NFILZ: variants seen among roughly 807,000 people sequenced by gnomAD.
NFILZ encodes the protein NFIL3 like basic leucine zipper.
At chr19:8,652,822 T>TTCTCTCTC (rs1229390014) in intron 3 of NFILZ, among the ~76,000 whole-genome samples, 1 of 151,040 alleles carries the variant, frequency 6.6e-6, no homozygotes, top group Non-Finnish European at 1.5e-5. Flanking sequence ...TCTCTCTCTC[T>TTCTCTCTC]TCTTTCTCAC....
chr19:8,634,721 A>T (rs2042886672), intron 2 of NFILZ, among the ~76,000 whole-genome samples: 2 of 151,856 alleles, frequency 1.3e-5, no homozygotes, highest in Non-Finnish European at 2.9e-5. Flanking sequence ...ACAAAAAACA[A>T]AACAGAAAAT....
Position 8,677,636 on chromosome 19 carries a change from G to C in NFILZ, c.*1G>C, listed in dbSNP as rs1420131356. 1 of 152,296 alleles carries C rather than the reference G, an allele frequency of 6.6e-6. No homozygotes were observed. The highest frequency in any genetic ancestry group is 2.4e-5 in the African/African-American group (1 of 41,452). The allele number at this position is 152,296 out of a possible 1,614,324, so 9.4% of individuals were successfully genotyped here. A position where few individuals can be genotyped will look rare whatever the true frequency, so the allele number is the denominator to read the frequency against. On this transcript the variant is annotated 3_prime_UTR_variant, in exon 6 of 6. Transcript: ENST00000691075. ...GGAGGGTGGTCAGGCGCCCCTCTGAGGGCTTCCTCTGGGAAGGGCTAGGCT... is the reference window on the plus strand; with the variant it reads ...GGAGGGTGGTCAGGCGCCCCTCTGACGGCTTCCTCTGGGAAGGGCTAGGCT...
At chr19:8,662,973 C>T (rs73006469) in intron 3 of NFILZ, among the ~76,000 whole-genome samples, 2,001 of 146,050 alleles carry the variant, frequency 0.014, 18 homozygotes, top group Middle Eastern at 0.043. Context: ...TAAGAGACAG[C>T]GTCTCACTTT....
intron 3 of NFILZ, among the ~76,000 whole-genome samples, chr19:8,672,641 G>A: frequency 6.6e-6 from 1 of 151,904 alleles, no homozygotes; most frequent in South Asian, 2.1e-4. Flanking sequence ...AAAAATCCAT[G>A]CATTTATTAG....
intron 3 of NFILZ, among the ~76,000 whole-genome samples, chr19:8,655,419 G>A (rs2042987723): frequency 6.6e-6 from 1 of 152,200 alleles, no homozygotes; most frequent in South Asian, 2.1e-4. Context: ...ACTCTCCAGT[G>A]ATGTCCCTGA....
intron 3 of NFILZ, among the ~76,000 whole-genome samples, chr19:8,667,060 T>C (rs1317158978): frequency 1.3e-5 from 2 of 151,958 alleles, no homozygotes; most frequent in Admixed American, 6.6e-5. Flanking sequence ...GTTGGCCATC[T>C]CTCTCTACCC....
intron 3 of NFILZ, among the ~76,000 whole-genome samples, chr19:8,673,262 G>C (rs2043096310): frequency 6.6e-6 from 1 of 152,140 alleles, no homozygotes; most frequent in Non-Finnish European, 1.5e-5. Context: ...CTGTAAGTGG[G>C]GATGATATGC....
intron 5 of NFILZ, among the ~76,000 whole-genome samples, 70 bp downstream of exon 5, chr19:8,676,526 G>A (rs58970531): frequency 0.21 from 31,779 of 151,978 alleles, 3,523 homozygotes; most frequent in South Asian, 0.35. Flanking sequence ...TCTTCATGAT[G>A]ACGGTGGTCT....
At chr19:8,650,040 G>A (rs371153519) in intron 3 of NFILZ, among the ~76,000 whole-genome samples, 7 of 151,590 alleles carry the variant, frequency 4.6e-5, no homozygotes, top group South Asian at 4.2e-4. Flanking sequence ...GCGTGAACCC[G>A]GGAGGTGGAG....
chr19:8,631,546 C>G lies in NFILZ; in HGVS notation c.-411+802C>G, dbSNP rs150651067. On this transcript the variant is annotated intron_variant, in intron 1 of 5. Transcript: ENST00000691075. ...CTGGGACAAAGCCCAGGGATTAGCT[C>G]AGTAGACAAACATCTGAGTCTTGGC... Among the ~76,000 whole-genome samples the G allele has an allele frequency of 5.4e-4, 82 of 152,242 alleles. No individual in the cohort carries two copies. The East Asian group carries it at 9.8e-3, about 18-fold the overall frequency.
chr19:8,653,010 TCC>T lies in NFILZ; in HGVS notation c.-164+17265_-164+17266del, dbSNP rs1413015632. Among the ~76,000 whole-genome samples the T allele has an allele frequency of 3.5e-4, 12 of 34,226 alleles. 1 individual carries two copies. Among genetic ancestry groups the T allele is most frequent in the South Asian group, 9.3e-4 (1 of 1,074 alleles). 22.5% of individuals were successfully genotyped at this position (34,226 alleles called of 152,430 possible). On this transcript the variant is annotated intron_variant, in intron 3 of 5. Coordinates refer to ENST00000691075, the MANE Select transcript of NFILZ (RefSeq NM_001378600.1). ...TTCCTTCCTTCCTTCCTTCCTTCCT[TCC>T]TTTCTTTCTTTCTTTCTTTCTTTCT...
In NFILZ at chr19:8,656,445, C is replaced by CCT. The variant is rs1568421649; in HGVS notation, c.-163-18106_-163-18105insCT. 5.8e-3 allele frequency among the ~76,000 whole-genome samples: 109 copies of CCT among 18,850 alleles called. 21 individuals carry two copies. Among genetic ancestry groups the CCT allele is most frequent in the African/African-American group, 0.012 (106 of 8,512 alleles). 12.4% of individuals were successfully genotyped at this position (18,850 alleles called of 152,430 possible). A position where few individuals can be genotyped will look rare whatever the true frequency, so the allele number is the denominator to read the frequency against. On this transcript the variant is annotated intron_variant, in intron 3 of 5. Transcript: ENST00000691075. ...CTCTTTCCGCAGCCCACCTTCTCCT[C>CCT]GAAGCCCACCTTCTCTCTGAAGCCC...
rs2043137009 is a variant in NFILZ at position 8,679,791 on chromosome 19, T to C, written c.*2156T>C. On this transcript the variant is annotated 3_prime_UTR_variant, in exon 6 of 6. Transcript: ENST00000691075. ...CCTCCCTTATACATCTATAAATGTT[T>C]ACCTATAAATGAGCCCATTCCCTAG... is the stretch of plus-strand genomic sequence containing the variant. Among the ~76,000 whole-genome samples the C allele has an allele frequency of 6.6e-6, 1 of 152,178 alleles. No individual in the cohort carries two copies. The highest frequency in any genetic ancestry group is 6.6e-5 in the Admixed American group (1 of 15,266).
At chr19:8,672,700 G>A (rs558641977) in intron 3 of NFILZ, among the ~76,000 whole-genome samples, 2 of 148,122 alleles carry the variant, frequency 1.4e-5, no homozygotes, top group South Asian at 4.3e-4. Context: ...AAATATTCAG[G>A]CATTCATTCA....
At position 8,679,547 on chromosome 19, in the gene NFILZ, T is replaced by C. The variant is rs1333848929; in HGVS notation, c.*1912T>C. On this transcript the variant is annotated 3_prime_UTR_variant, in exon 6 of 6. Transcript: ENST00000691075. The stretch of plus-strand genomic sequence containing the variant: ...GTGTGCAGGGTGAGGACGTACAAAG[T>C]GCCTCTCTCTCACTAGTACAACAGG... 6.6e-6 allele frequency among the ~76,000 whole-genome samples: 1 copy of C among 152,056 alleles called. No individual in the cohort carries two copies. The highest frequency in any genetic ancestry group is 1.5e-5 in the Non-Finnish European group (1 of 68,026).
At position 8,663,752 on chromosome 19, in the gene NFILZ, G is replaced by GTGTGTGTA. The variant is rs2043047424; in HGVS notation, c.-163-10792_-163-10791insATGTGTGT. 7.8e-5 allele frequency among the ~76,000 whole-genome samples: 10 copies of GTGTGTGTA among 127,824 alleles called. No homozygotes were observed. The East Asian group carries it at 1.9e-3, about 25-fold the overall frequency. The allele number at this position is 127,824 out of a possible 152,430, so 83.9% of individuals were successfully genotyped here. On this transcript the variant is annotated intron_variant, in intron 3 of 5. Transcript: ENST00000691075. ...TGTGTGTGTGTGTGTGTGTGTGTGT[G>GTGTGTGTA]TGTGTGTGTGTGTGTGTGTATGTAT...
intron 2 of NFILZ, among the ~76,000 whole-genome samples, chr19:8,634,765 A>C (rs1555745915): frequency 6.6e-6 from 1 of 152,102 alleles, no homozygotes; most frequent in African/African-American, 2.4e-5. Context: ...TCGTAGTTCC[A>C]GCTAATTGGG....
intron 3 of NFILZ, among the ~76,000 whole-genome samples, chr19:8,665,932 C>T (rs1367454278): frequency 1.3e-5 from 2 of 152,192 alleles, no homozygotes; most frequent in African/African-American, 4.8e-5. Flanking sequence ...TCATTTTTAG[C>T]TCCTCTCTTA....
At chr19:8,631,760 C>T (rs2042870691) in intron 1 of NFILZ, among the ~76,000 whole-genome samples, 1 of 152,104 alleles carries the variant, frequency 6.6e-6, no homozygotes, top group South Asian at 2.1e-4. Flanking sequence ...CCTCCGTCTA[C>T]ACCCGCTGAC....
Sources: allele counts gnomAD v4.1 joint callset (sites outside exome capture counted in the v4.1 genomes callset), GRCh38; gene constraint gnomAD v4.1.1; transcripts MANE v1.5; gene names NCBI Gene and HGNC (gene_info 2026-07-23, HGNC 2026-07-21).